The following TNFRSF1B variants were observed in gnomAD, a reference collection of about 807,000 sequenced individuals.
TNFRSF1B encodes TNF receptor superfamily member 1B.
A neutral mutation model predicts 44.6 loss-of-function variants in TNFRSF1B; 19 were observed. The ratio of observed to expected loss-of-function variants is 0.43; its 90% CI spans 0.30 to 0.62. The LOEUF (loss-of-function observed/expected upper bound fraction) is 0.62, where lower values mean the gene tolerates loss of function less well. Among genes scored for constraint, TNFRSF1B ranks in the 20% least tolerant of loss-of-function variants. The pLI, the probability that TNFRSF1B is intolerant of heterozygous loss-of-function variation, is 0.16. For synonymous variants in TNFRSF1B, 252 were observed against 261.1 expected, an observed-to-expected ratio of 0.97 and a Z score of 0.34; for missense variants, 541 against 619.9, an observed-to-expected ratio of 0.87 and a Z score of 1.35.
intron 8 of TNFRSF1B, among the ~76,000 whole-genome samples, chr1:12,196,413 T>G (rs1329513007): frequency 6.6e-6 from 1 of 152,242 alleles, no homozygotes; most frequent in African/African-American, 2.4e-5. Flanking sequence ...GCCAGCCTCA[T>G]TCCCACTCCA....
intron 9 of TNFRSF1B, 139 bp downstream of exon 9, chr1:12,202,310 C>A: frequency 7.4e-7 from 1 of 1,353,528 alleles, no homozygotes; most frequent in Non-Finnish European, 9.8e-7. Context: ...CTTCGGTTCG[C>A]TGAACCTAAG....
At chr1:12,191,243 C>T (rs1639115414) in intron 3 of TNFRSF1B, among the ~76,000 whole-genome samples, 158 bp downstream of exon 3, 2 of 152,262 alleles carry the variant, frequency 1.3e-5, no homozygotes, top group Non-Finnish European at 2.9e-5. Flanking sequence ...TGGCATTTTC[C>T]TCCTCTGTCT....
chr1:12,197,342 C>G (rs7522295), intron 8 of TNFRSF1B, among the ~76,000 whole-genome samples: 27,165 of 152,126 alleles, frequency 0.18, 2,897 homozygotes, highest in South Asian at 0.26. Context: ...CAGAAAAAAA[C>G]CCCCAAACCC....
intron 6 of TNFRSF1B, 161 bp downstream of exon 6, chr1:12,193,259 T>C: frequency 1.4e-6 from 1 of 726,226 alleles, no homozygotes; most frequent in Non-Finnish European, 2.5e-6. Context: ...TCCCCACACC[T>C]GGTGCTATCA....
chr1:12,183,656 T>TTATCTGTC (rs1638865738), intron 1 of TNFRSF1B, among the ~76,000 whole-genome samples: 1 of 125,280 alleles, frequency 8.0e-6, no homozygotes, highest in Admixed American at 8.0e-5. Flanking sequence ...TTTATCTATT[T>TTATCTGTC]TATCTATCTA....
In TNFRSF1B at chr1:12,192,474, G is replaced by A. The variant is rs780648249; in HGVS notation, c.501G>A (p.Gly167=). The change falls in exon 5 of 10, where the codon GGG becomes GGA. Residue 167 remains glycine (G), a synonymous_variant. Transcript: ENST00000376259. ...TGGTGTGCAAGCCCTGTGCCCCGGGGACGTTCTCCAACACGACTTCATCCA... is the reference window on the plus strand; with the variant it reads ...TGGTGTGCAAGCCCTGTGCCCCGGGAACGTTCTCCAACACGACTTCATCCA... ...SDVVCKPCAP[G]TFSNTTSSTD... 3 of 1,614,028 alleles carry A rather than the reference G, an allele frequency of 1.9e-6. No homozygotes were observed. Among genetic ancestry groups the A allele is most frequent in the African/African-American group, 1.3e-5 (1 of 74,912 alleles).
intron 1 of TNFRSF1B, among the ~76,000 whole-genome samples, chr1:12,183,858 C>T (rs569106974): frequency 9.4e-4 from 129 of 136,602 alleles, no homozygotes; most frequent in African/African-American, 3.3e-3. Context: ...TATCTACCTA[C>T]CTACCTACCT....
intron 1 of TNFRSF1B, among the ~76,000 whole-genome samples, chr1:12,170,678 T>C (rs946740599): frequency 2.6e-5 from 4 of 152,218 alleles, no homozygotes; most frequent in Admixed American, 2.6e-4. Flanking sequence ...TTACTTTTTT[T>C]CTGAGATGGA....
chr1:12,190,242 G>A (rs1157120741), intron 2 of TNFRSF1B, among the ~76,000 whole-genome samples: 2 of 151,900 alleles, frequency 1.3e-5, no homozygotes, highest in Non-Finnish European at 2.9e-5. Context: ...GCGGACCACC[G>A]GAGGCCAGGA....
rs773470753 is a variant in TNFRSF1B at position 12,206,966 on chromosome 1, C to G, written c.1332C>G (p.Thr444=). The G allele has an allele frequency of 3.1e-6, 5 of 1,610,950 alleles. No homozygotes were observed. In the Admixed American group the frequency reaches 6.7e-5, roughly 22 times the overall value. The change falls in exon 10 of 10, where the codon ACC becomes ACG. Residue 444 remains threonine, a synonymous_variant. Transcript: ENST00000376259. ...CGCCAGAGACCCTGCTGGGGAGCAC[C>G]GAAGAGAAGCCCCTGCCCCTTGGAG... The part of the protein sequence containing the change: ...LETPETLLGS[T]EEKPLPLGVP...
intron 3 of TNFRSF1B, among the ~76,000 whole-genome samples, chr1:12,191,526 G>A (rs1387255765): frequency 2.0e-5 from 3 of 151,720 alleles, no homozygotes; most frequent in Non-Finnish European, 4.4e-5. Context: ...TGCGGGGGAC[G>A]AGCGCGACTG....
chr1:12,193,130 C>A, intron 6 of TNFRSF1B, 32 bp downstream of exon 6: 1 of 1,539,752 alleles, frequency 6.5e-7, no homozygotes, highest in East Asian at 2.3e-5. Context: ...TCATTCACTC[C>A]TTCTGTCTGC....
intron 1 of TNFRSF1B, among the ~76,000 whole-genome samples, chr1:12,183,706 A>AGCTAGCTATCTAGCTAT (rs1557628950): frequency 8.2e-6 from 1 of 121,698 alleles, no homozygotes; most frequent in African/African-American, 3.0e-5. Flanking sequence ...CTATCTATCT[A>AGCTAGCTATCTAGCTAT]TCTATTCTAT....
chr1:12,201,893 G>C, intron 8 of TNFRSF1B, 74 bp from the exon 9 acceptor site: 1 of 1,502,670 alleles, frequency 6.7e-7, no homozygotes, highest in Non-Finnish European at 9.0e-7. Flanking sequence ...GTGGATGGCA[G>C]TGGGAAGGAA....
rs1400405003 is a variant in TNFRSF1B, at chr1:12,187,981, T to C, written c.79-815T>C. ...GCCCTGCTGGCAGCAGGGGTCTGAG[T>C]GGGGTGCAACAGCACCCACCAATTC... On this transcript the variant is annotated intron_variant, in intron 1 of 9. Coordinates refer to ENST00000376259, the MANE Select transcript of TNFRSF1B (RefSeq NM_001066.3). The surrounding 1 kb of genome is among the most constrained non-coding windows in gnomAD (Gnocchi z 5.5). Among the ~76,000 whole-genome samples the C allele has an allele frequency of 6.6e-6, 1 of 151,990 alleles. No individual in the cohort carries two copies. Among genetic ancestry groups the C allele is most frequent in the Non-Finnish European group, 1.5e-5 (1 of 67,964 alleles).
At chr1:12,188,218 C>G (rs1639029346) in intron 1 of TNFRSF1B, among the ~76,000 whole-genome samples, 1 of 152,140 alleles carries the variant, frequency 6.6e-6, no homozygotes, top group Admixed American at 6.5e-5. Context: ...TGCATACATA[C>G]CCACAGGGGG....
intron 3 of TNFRSF1B, among the ~76,000 whole-genome samples, chr1:12,191,556 C>A (rs747222333): frequency 2.4e-4 from 36 of 147,962 alleles, no homozygotes; most frequent in Non-Finnish European, 3.7e-4. Context: ...AGCAGGACTG[C>A]GGAGAGTAGC....
At chr1:12,188,775 G>A (rs1177288339) in intron 1 of TNFRSF1B, 21 bp from the exon 2 acceptor site, 1 of 1,611,330 alleles carries the variant, frequency 6.2e-7, no homozygotes, top group Non-Finnish European at 8.5e-7. Context: ...GTTGATGGCA[G>A]TCTTCCCTTC....
At position 12,183,720 on chromosome 1, in the gene TNFRSF1B, C is replaced by CTATT. The variant is rs1638889745; in HGVS notation, c.79-5076_79-5075insTATT. Among the ~76,000 whole-genome samples the CTATT allele has an allele frequency of 2.0e-3, 188 of 92,198 alleles. 5 individuals carry two copies. Among genetic ancestry groups the CTATT allele is most frequent in the African/African-American group, 5.2e-3 (153 of 29,220 alleles). 60.5% of individuals were successfully genotyped at this position (92,198 alleles called of 152,430 possible). A position where few individuals can be genotyped will look rare whatever the true frequency, so the allele number is the denominator to read the frequency against. ...TCTATCTATCTATCTATTCTATCTACCTATCTATCTATCTATCTATCTATC... is the reference window on the plus strand; with the variant it reads ...TCTATCTATCTATCTATTCTATCTACTATTCTATCTATCTATCTATCTATCTATC... On this transcript the variant is annotated intron_variant, in intron 1 of 9. Transcript: ENST00000376259.
Sources: gnomAD v4.1 joint callset for allele counts (sites outside exome capture counted in the v4.1 genomes callset) on GRCh38, gnomAD v4.1.1 for gene constraint, Gnocchi (gnomAD v3.1) non-coding constraint, MANE v1.5 for transcripts, NCBI Gene and HGNC (gene_info 2026-07-23, HGNC 2026-07-21) for gene names.